Variants in HOOK3 observed in about 807,000 individuals in gnomAD.
The protein encoded by HOOK3 is protein Hook homolog 3.
A neutral mutation model predicts 116.3 loss-of-function variants in HOOK3; 24 were observed. The ratio of observed to expected loss-of-function variants is 0.21; its 90% CI spans 0.15 to 0.29. The LOEUF (loss-of-function observed/expected upper bound fraction) is 0.29. HOOK3 is among the 10% of genes least tolerant of loss of function. The probability of loss-of-function intolerance (pLI) is 1.00; values close to 1 mark genes in which losing one functional copy is unlikely to be tolerated. For synonymous variants in HOOK3, 275 were observed against 283.0 expected, an observed-to-expected ratio of 0.97 and a Z score of 0.28; for missense variants, 632 against 830.2, an observed-to-expected ratio of 0.76 and a Z score of 2.93.
chr8:42,909,793 A>C (rs1215630957), intron 2 of HOOK3, among the ~76,000 whole-genome samples: 5 of 152,216 alleles, frequency 3.3e-5, no homozygotes, highest in African/African-American at 1.2e-4. Context: ...TGTCATTTTC[A>C]ACAACGTGGA....
At position 43,029,975 on chromosome 8, in the gene HOOK3, CTGAT is replaced by C. The variant is rs1282146794; in HGVS notation, c.*11481_*11484del. 6 of 213,884 alleles carry C rather than the reference CTGAT, an allele frequency of 2.8e-5. No individual in the cohort carries two copies. Among genetic ancestry groups the C allele is most frequent in the Non-Finnish European group, 5.7e-5 (6 of 106,062 alleles). 13.2% of individuals were successfully genotyped at this position (213,884 alleles called of 1,614,324 possible). On this transcript the variant is annotated 3_prime_UTR_variant, in exon 22 of 22. Coordinates refer to ENST00000307602, the MANE Select transcript of HOOK3 (RefSeq NM_032410.4). Reference sequence around the variant, plus strand: ...GATATTGCTAGGTATATTCTTATTTCTGATTGAGTATTGAATTTACATTTTTCAG... The same window carrying C: ...GATATTGCTAGGTATATTCTTATTTCTGAGTATTGAATTTACATTTTTCAG...
intron 2 of HOOK3, among the ~76,000 whole-genome samples, chr8:42,914,842 C>T (rs976080398): frequency 5.9e-5 from 9 of 152,140 alleles, no homozygotes; most frequent in Non-Finnish European, 1.0e-4. Flanking sequence ...CTCCACCGGG[C>T]GCCGTGGCTC....
chr8:42,993,939 C>T (rs1024114828), intron 15 of HOOK3, among the ~76,000 whole-genome samples: 1 of 152,032 alleles, frequency 6.6e-6, no homozygotes, highest in African/African-American at 2.4e-5. Context: ...TTTCAAAAAA[C>T]TGGTTTTTGT....
intron 15 of HOOK3, among the ~76,000 whole-genome samples, chr8:42,993,927 C>G (rs1013100342): frequency 5.3e-5 from 8 of 151,962 alleles, no homozygotes; most frequent in African/African-American, 1.9e-4. Context: ...GTCAATTTAT[C>G]TTTTCAAAAA....
intron 21 of HOOK3, among the ~76,000 whole-genome samples, chr8:43,016,474 C>T (rs190579707): frequency 2.6e-5 from 4 of 152,274 alleles, no homozygotes; most frequent in Non-Finnish European, 4.4e-5. Context: ...TCCAAATAGA[C>T]TCCCAGAAGT....
At chr8:42,973,422 T>C (rs960913233) in intron 12 of HOOK3, 23 bp downstream of exon 12, 2 of 1,551,072 alleles carry the variant, frequency 1.3e-6, no homozygotes, top group African/African-American at 1.4e-5. Flanking sequence ...ATTAGGCATT[T>C]TGGTTTTGAG....
chr8:42,958,651 G>T (rs868772977), intron 7 of HOOK3, among the ~76,000 whole-genome samples: 6 of 141,488 alleles, frequency 4.2e-5, no homozygotes, highest in African/African-American at 1.3e-4. Flanking sequence ...GAATGTGCAG[G>T]TTTGTTACAT....
intron 15 of HOOK3, among the ~76,000 whole-genome samples, chr8:42,992,874 C>A (rs1276618676): frequency 1.3e-5 from 2 of 152,104 alleles, no homozygotes; most frequent in East Asian, 3.8e-4. Context: ...AAGTGAGCAT[C>A]CTTGTCCTGT....
chr8:42,930,508 CA>C (rs1457408372), intron 4 of HOOK3, among the ~76,000 whole-genome samples: 1 of 152,122 alleles, frequency 6.6e-6, no homozygotes, highest in African/African-American at 2.4e-5. Flanking sequence ...TATTCCTTGG[CA>C]AACCCCCCAC....
At chr8:42,978,437 TCTCA>T (rs1808869384) in intron 13 of HOOK3, among the ~76,000 whole-genome samples, 1 of 148,874 alleles carries the variant, frequency 6.7e-6, no homozygotes, top group Non-Finnish European at 1.5e-5. Flanking sequence ...TCAGATGAAG[TCTCA>T]CTCTTGTCCC....
At chr8:42,937,324 A>T (rs975422414) in intron 4 of HOOK3, among the ~76,000 whole-genome samples, 25 of 132,846 alleles carry the variant, frequency 1.9e-4, no homozygotes, top group African/African-American at 3.8e-4. Flanking sequence ...TTAATCTTTT[A>T]AAAAAAAACC....
chr8:42,935,950 G>T (rs1315966284), intron 4 of HOOK3, among the ~76,000 whole-genome samples: 2 of 152,122 alleles, frequency 1.3e-5, no homozygotes, highest in African/African-American at 4.8e-5. Context: ...AGCTGTATGG[G>T]GATACCATTG....
intron 2 of HOOK3, among the ~76,000 whole-genome samples, chr8:42,918,986 C>A (rs187756192): frequency 1.3e-5 from 2 of 151,300 alleles, no homozygotes; most frequent in African/African-American, 4.9e-5. Flanking sequence ...ACTTCCCAGA[C>A]GGGGCGGCCG....
At chr8:42,939,967 C>T (rs1586600931) in intron 4 of HOOK3, among the ~76,000 whole-genome samples, 2 of 151,248 alleles carry the variant, frequency 1.3e-5, no homozygotes, top group Admixed American at 6.6e-5. Flanking sequence ...GATGGGATGG[C>T]GGCCGGGCAG....
intron 14 of HOOK3, among the ~76,000 whole-genome samples, chr8:42,985,593 A>G (rs772870355): frequency 1.3e-5 from 2 of 152,122 alleles, no homozygotes; most frequent in Non-Finnish European, 2.9e-5. Flanking sequence ...TTTCCGTACA[A>G]TGTATGTGTT....
chr8:42,902,767 G>T (rs775854533), intron 1 of HOOK3, among the ~76,000 whole-genome samples: 1 of 152,160 alleles, frequency 6.6e-6, no homozygotes, highest in Non-Finnish European at 1.5e-5. Flanking sequence ...GAAACATCCT[G>T]TCTAAATTTA....
At chr8:42,997,466 T>G (rs1809300361) in intron 15 of HOOK3, 84 bp from the exon 16 acceptor site, 1 of 781,824 alleles carries the variant, frequency 1.3e-6, no homozygotes, top group South Asian at 1.7e-5. Context: ...TTGCTAATTA[T>G]ACTTTCTAAC....
intron 7 of HOOK3, 44 bp from the exon 8 acceptor site, chr8:42,959,187 T>C (rs184954815): frequency 1.7e-4 from 211 of 1,265,450 alleles, no homozygotes; most frequent in Non-Finnish European, 2.2e-4. Flanking sequence ...TTATTAATTG[T>C]TACCACTTCA....
intron 13 of HOOK3, among the ~76,000 whole-genome samples, chr8:42,976,734 A>G (rs1184060259): frequency 1.3e-5 from 2 of 152,094 alleles, no homozygotes; most frequent in Admixed American, 6.5e-5. Context: ...CGTCTCTACT[A>G]AAAATACAAA....
Sources: gnomAD v4.1 joint callset for allele counts (sites outside exome capture counted in the v4.1 genomes callset) on GRCh38, gnomAD v4.1.1 for gene constraint, MANE v1.5 for transcripts, NCBI Gene and HGNC (gene_info 2026-07-23, HGNC 2026-07-21) for gene names.